ROR2: variants seen among roughly 807,000 people sequenced by gnomAD.
The protein encoded by ROR2 is ROR family WNT receptor 2.
Under a neutral mutation model 74.9 loss-of-function variants are expected in ROR2, and 33 were observed. That is an observed-to-expected ratio of 0.44 (90% confidence interval 0.33 to 0.59). ROR2 has a LOEUF of 0.59. Ranked by LOEUF, ROR2 falls within the 20% of genes least tolerant of loss-of-function variation. ROR2 has a pLI of 0.02. For missense variants in ROR2, 1,216 were observed against 1,313.8 expected (o/e 0.93, Z 1.15); for synonymous variants, 586 against 558.7 (o/e 1.05, Z -0.69).
At chr9:91,908,207 C>A (rs1452735948) in intron 1 of ROR2, among the ~76,000 whole-genome samples, 1 of 152,056 alleles carries the variant, frequency 6.6e-6, no homozygotes, top group Non-Finnish European at 1.5e-5. Flanking sequence ...GGTGGGGACG[C>A]TATCTATGCC....
At chr9:91,726,799 G>A in intron 7 of ROR2, 56 bp from the exon 8 acceptor site, 1 of 1,561,362 alleles carries the variant, frequency 6.4e-7, no homozygotes, top group Non-Finnish European at 8.8e-7. Context: ...TCTACTCTAA[G>A]TTCTCTACCA....
intron 1 of ROR2, among the ~76,000 whole-genome samples, chr9:91,808,938 G>A (rs932414086): frequency 1.3e-4 from 19 of 151,764 alleles, no homozygotes; most frequent in African/African-American, 4.6e-4. Flanking sequence ...GGGAGGCGGA[G>A]CTTGCAGTGA....
chr9:91,803,185 TAAAC>T (rs1451073558), intron 1 of ROR2, among the ~76,000 whole-genome samples: 1 of 152,096 alleles, frequency 6.6e-6, no homozygotes, highest in Non-Finnish European at 1.5e-5. Flanking sequence ...GATGAAGAGA[TAAAC>T]AAATGTGGTA....
At chr9:91,807,928 A>C (rs1827619775) in intron 1 of ROR2, among the ~76,000 whole-genome samples, 1 of 152,098 alleles carries the variant, frequency 6.6e-6, no homozygotes, top group Non-Finnish European at 1.5e-5. Context: ...TGATGGATGA[A>C]TGCCTCTTGC....
intron 2 of ROR2, among the ~76,000 whole-genome samples, chr9:91,768,000 C>T (rs185917761): frequency 1.3e-4 from 20 of 152,318 alleles, no homozygotes; most frequent in African/African-American, 4.3e-4. Context: ...AATCCAACAA[C>T]ACTGTCCTTA....
rs147942730 is a variant in ROR2, at chr9:91,857,594, G to A, written c.98-81776C>T. ...GCAGAGCAGTGCCTGACTGCGTCAG[G>A]AGTGAGATGTTACACACCGGCTGCT... is the stretch of plus-strand genomic sequence containing the variant. On this transcript the variant is annotated intron_variant, in intron 1 of 8. Coordinates refer to ENST00000375708, the MANE Select transcript of ROR2 (RefSeq NM_004560.4). Among the ~76,000 whole-genome samples, 77 of 152,334 alleles carry A rather than the reference G, an allele frequency of 5.1e-4. 1 individual carries two copies. The East Asian group carries it at 0.014, about 27-fold the overall frequency.
At chr9:91,771,720 T>TC (rs1826233437) in intron 2 of ROR2, among the ~76,000 whole-genome samples, 1 of 141,460 alleles carries the variant, frequency 7.1e-6, no homozygotes, top group Non-Finnish European at 1.5e-5. Context: ...CTCCTCTCTC[T>TC]CTTCTCTCTC....
At chr9:91,791,721 A>G (rs1826985121) in intron 1 of ROR2, among the ~76,000 whole-genome samples, 2 of 152,138 alleles carry the variant, frequency 1.3e-5, no homozygotes, top group Non-Finnish European at 1.5e-5. Context: ...GAACAACATT[A>G]TAAACCAACT....
rs550157407 is a variant in ROR2, at chr9:91,891,355, G to A, written c.97+58512C>T. 1.9e-3 allele frequency among the ~76,000 whole-genome samples: 282 copies of A among 150,322 alleles called. 1 individual carries two copies. Among genetic ancestry groups the A allele is most frequent in the African/African-American group, 6.3e-3 (257 of 40,858 alleles). Reference sequence around the variant, plus strand: ...TGCAACCTCTGCTCCTGCAACCTCCGCCTCCCAGGTTCAAGCAATTATGCT... The same window carrying A: ...TGCAACCTCTGCTCCTGCAACCTCCACCTCCCAGGTTCAAGCAATTATGCT... On this transcript the variant is annotated intron_variant, in intron 1 of 8. Coordinates refer to ENST00000375708, the MANE Select transcript of ROR2 (RefSeq NM_004560.4).
At chr9:91,754,413 T>C (rs1445130237) in intron 4 of ROR2, among the ~76,000 whole-genome samples, 1 of 152,016 alleles carries the variant, frequency 6.6e-6, no homozygotes, top group Non-Finnish European at 1.5e-5. Flanking sequence ...TCTCAGCACT[T>C]TGGGAGGCCA....
At chr9:91,862,385 T>G (rs1587796115) in intron 1 of ROR2, among the ~76,000 whole-genome samples, 1 of 147,772 alleles carries the variant, frequency 6.8e-6, no homozygotes, top group Non-Finnish European at 1.5e-5. Context: ...CAGCCAGGAG[T>G]GGTGGCTCAT....
intron 2 of ROR2, among the ~76,000 whole-genome samples, chr9:91,760,514 C>T (rs1475588052): frequency 6.6e-6 from 1 of 151,894 alleles, no homozygotes; most frequent in African/African-American, 2.4e-5. Context: ...GGCGCCTGTA[C>T]TCCTTGCTAC....
intron 2 of ROR2, among the ~76,000 whole-genome samples, chr9:91,768,414 C>T (rs1232399945): frequency 2.0e-5 from 3 of 152,216 alleles, no homozygotes; most frequent in Non-Finnish European, 4.4e-5. Flanking sequence ...GAGACAGAGA[C>T]ATGGGTGTGT....
intron 1 of ROR2, among the ~76,000 whole-genome samples, chr9:91,873,834 A>G (rs1829876718): frequency 6.6e-6 from 1 of 152,174 alleles, no homozygotes; most frequent in African/African-American, 2.4e-5. Flanking sequence ...TTCTTCCATC[A>G]AGAGATGCCT....
At chr9:91,948,246 G>A (rs1398085331) in intron 1 of ROR2, among the ~76,000 whole-genome samples, 10 of 152,196 alleles carry the variant, frequency 6.6e-5, no homozygotes, top group Non-Finnish European at 1.5e-4. Flanking sequence ...GGTCTGCAAG[G>A]CAGAGTTTTT....
Position 91,808,805 on chromosome 9 carries a change from A to AT in ROR2, c.98-32988dup, listed in dbSNP as rs1000536531. On this transcript the variant is annotated intron_variant, in intron 1 of 8. Coordinates refer to ENST00000375708, the MANE Select transcript of ROR2 (RefSeq NM_004560.4). ...AACTAAAAATATAAAAAATATACATATTTTTTTTTACTAAAAATATAAAAA... is the reference window on the plus strand; with the variant it reads ...AACTAAAAATATAAAAAATATACATATTTTTTTTTTACTAAAAATATAAAAA... Among the ~76,000 whole-genome samples, 302 of 142,694 alleles carry AT rather than the reference A, an allele frequency of 2.1e-3. 1 individual carries two copies. Among genetic ancestry groups the AT allele is most frequent in the African/African-American group, 6.8e-3 (276 of 40,672 alleles). 93.6% of individuals were successfully genotyped at this position (142,694 alleles called of 152,430 possible). A position where few individuals can be genotyped will look rare whatever the true frequency, so the allele number is the denominator to read the frequency against.
chr9:91,866,308 C>T (rs767343658), intron 1 of ROR2, among the ~76,000 whole-genome samples: 7 of 151,616 alleles, frequency 4.6e-5, no homozygotes, highest in Admixed American at 6.6e-5. Flanking sequence ...TTAGTAGAGA[C>T]AAGGTTTCAC....
chr9:91,900,403 C>A (rs1830644625), intron 1 of ROR2, among the ~76,000 whole-genome samples: 1 of 152,244 alleles, frequency 6.6e-6, no homozygotes, highest in African/African-American at 2.4e-5. Context: ...TGGCGCAGGC[C>A]CCCCCACGCA....
chr9:91,855,325 AGT>A (rs1829244769), intron 1 of ROR2, among the ~76,000 whole-genome samples: 1 of 152,186 alleles, frequency 6.6e-6, no homozygotes, highest in South Asian at 2.1e-4. Flanking sequence ...CTCCCACAGG[AGT>A]GTCTGAGCGT....
Sources: allele counts gnomAD v4.1 joint callset (sites outside exome capture counted in the v4.1 genomes callset), GRCh38; gene constraint gnomAD v4.1.1; transcripts MANE v1.5; gene names NCBI Gene and HGNC (gene_info 2026-07-23, HGNC 2026-07-21).